Variants in PPP1R16B observed in about 807,000 individuals in gnomAD.
The protein encoded by PPP1R16B is protein phosphatase 1 regulatory inhibitor subunit 16B.
In PPP1R16B, 14 loss-of-function variants were observed where a neutral mutation model predicts 61.7. That is an observed-to-expected ratio of 0.23 (90% CI 0.15 to 0.35). The LOEUF (loss-of-function observed/expected upper bound fraction) is 0.35, where lower values mean the gene tolerates loss of function less well. Ranked by LOEUF, PPP1R16B falls within the 10% of genes least tolerant of loss-of-function variation. The probability of loss-of-function intolerance (pLI) is 1.00; values close to 1 mark genes in which losing one functional copy is unlikely to be tolerated. For synonymous variants in PPP1R16B, 266 were observed against 305.3 expected (o/e 0.87, Z 1.34); for missense variants, 547 against 752.5 (o/e 0.73, Z 3.19).
intron 2 of PPP1R16B, among the ~76,000 whole-genome samples, chr20:38,861,191 A>G (rs936666322): frequency 6.6e-6 from 1 of 152,028 alleles, no homozygotes; most frequent in Non-Finnish European, 1.5e-5. Flanking sequence ...AAGTCACTCA[A>G]CCTCTCTGAG....
At chr20:38,903,048 G>C (rs1179031208) in intron 6 of PPP1R16B, among the ~76,000 whole-genome samples, 1 of 152,212 alleles carries the variant, frequency 6.6e-6, no homozygotes, top group Admixed American at 6.5e-5. Flanking sequence ...GCTGAGGTGG[G>C]AGGATCACTT....
At chr20:38,869,776 T>C (rs904730940) in intron 2 of PPP1R16B, among the ~76,000 whole-genome samples, 1 of 152,006 alleles carries the variant, frequency 6.6e-6, no homozygotes, top group Non-Finnish European at 1.5e-5. Context: ...CTATGGAATA[T>C]ATTAAAGGGG....
chr20:38,807,598 C>G (rs571692039), intron 1 of PPP1R16B, among the ~76,000 whole-genome samples: 1 of 152,278 alleles, frequency 6.6e-6, no homozygotes, highest in Admixed American at 6.5e-5. Flanking sequence ...TGCCTGCTCA[C>G]ACGGCCCTTC....
intron 1 of PPP1R16B, among the ~76,000 whole-genome samples, chr20:38,828,354 C>G (rs2084816660): frequency 6.6e-6 from 1 of 152,184 alleles, no homozygotes; most frequent in Non-Finnish European, 1.5e-5. Flanking sequence ...TAATATGCCT[C>G]AGCAAGAGGC....
chr20:38,880,755 C>T (rs551801549), intron 2 of PPP1R16B, among the ~76,000 whole-genome samples: 9 of 152,168 alleles, frequency 5.9e-5, no homozygotes, highest in Non-Finnish European at 8.8e-5. Context: ...AGAGATATCG[C>T]GACTAATGCT....
intron 10 of PPP1R16B, among the ~76,000 whole-genome samples, chr20:38,914,273 G>A (rs549290888): frequency 1.5e-4 from 23 of 152,142 alleles, no homozygotes; most frequent in Non-Finnish European, 2.2e-4. Flanking sequence ...GAGAATTTGG[G>A]GGACTGTGTT....
At chr20:38,891,509 T>C (rs1008637913) in intron 3 of PPP1R16B, among the ~76,000 whole-genome samples, 5 of 152,172 alleles carry the variant, frequency 3.3e-5, no homozygotes, top group African/African-American at 1.2e-4. Context: ...AGAAATATTA[T>C]CATCCCCAGG....
chr20:38,828,709 G>A (rs550249036), intron 1 of PPP1R16B, among the ~76,000 whole-genome samples: 51 of 152,322 alleles, frequency 3.3e-4, no homozygotes, highest in African/African-American at 1.2e-3. Flanking sequence ...CTCAGGACAC[G>A]TGCCTAGCCT....
intron 2 of PPP1R16B, among the ~76,000 whole-genome samples, chr20:38,885,057 A>AAAAAG (rs1555806870): frequency 2.1e-5 from 3 of 142,648 alleles, no homozygotes; most frequent in Non-Finnish European, 4.5e-5. Flanking sequence ...AAAAAAAAAA[A>AAAAAG]AAGAAGAAGA....
At chr20:38,815,897 AT>A (rs1332732313) in intron 1 of PPP1R16B, among the ~76,000 whole-genome samples, 1 of 152,230 alleles carries the variant, frequency 6.6e-6, no homozygotes, top group African/African-American at 2.4e-5. Flanking sequence ...AAATGAACAA[AT>A]AAAATGAGAG....
At chr20:38,865,504 A>G (rs1290163808) in intron 2 of PPP1R16B, among the ~76,000 whole-genome samples, 1 of 151,858 alleles carries the variant, frequency 6.6e-6, no homozygotes, top group East Asian at 2.0e-4. Flanking sequence ...GTTAGCCAGG[A>G]TGGTCTCGAT....
intron 1 of PPP1R16B, among the ~76,000 whole-genome samples, chr20:38,821,734 T>C (rs1180384499): frequency 6.6e-6 from 1 of 152,138 alleles, no homozygotes; most frequent in Non-Finnish European, 1.5e-5. Context: ...CTGCTGAGAT[T>C]TCCTATCTGT....
At chr20:38,911,260 G>A (rs1414104889) in intron 10 of PPP1R16B, among the ~76,000 whole-genome samples, 3 of 147,910 alleles carry the variant, frequency 2.0e-5, no homozygotes, top group African/African-American at 7.5e-5. Flanking sequence ...TCCATCTCCC[G>A]GGTTCATGCC....
intron 2 of PPP1R16B, among the ~76,000 whole-genome samples, chr20:38,877,029 A>G (rs1346049009): frequency 6.6e-6 from 1 of 152,072 alleles, no homozygotes; most frequent in Non-Finnish European, 1.5e-5. Context: ...TTTCCATTCT[A>G]TGTTATATAT....
At chr20:38,854,432 G>A (rs897068636) in intron 2 of PPP1R16B, among the ~76,000 whole-genome samples, 1 of 152,194 alleles carries the variant, frequency 6.6e-6, no homozygotes, top group Non-Finnish European at 1.5e-5. Flanking sequence ...AGAAACAGGA[G>A]TAGAAAAATA....
At chr20:38,863,079 C>T (rs1038459956) in intron 2 of PPP1R16B, among the ~76,000 whole-genome samples, 9 of 152,172 alleles carry the variant, frequency 5.9e-5, no homozygotes, top group African/African-American at 2.2e-4. Flanking sequence ...CATTTGTGGG[C>T]TCTCCCAGCC....
intron 3 of PPP1R16B, among the ~76,000 whole-genome samples, chr20:38,892,633 T>C (rs2085300637): frequency 6.6e-6 from 1 of 151,958 alleles, no homozygotes; most frequent in Non-Finnish European, 1.5e-5. Flanking sequence ...CACAGGCACA[T>C]AAATAATAAT....
chr20:38,906,562 T>C (rs551671307), intron 7 of PPP1R16B, among the ~76,000 whole-genome samples: 13 of 152,216 alleles, frequency 8.5e-5, no homozygotes, highest in Non-Finnish European at 1.9e-4. Flanking sequence ...CCCAAAGTGC[T>C]GGGATGCCAC....
intron 3 of PPP1R16B, among the ~76,000 whole-genome samples, chr20:38,890,286 G>A (rs1225037449): frequency 2.6e-5 from 4 of 152,204 alleles, no homozygotes; most frequent in Non-Finnish European, 5.9e-5. Flanking sequence ...ATCTCTTCCT[G>A]TTACTCAAAG....
Sources: gnomAD v4.1 joint callset for allele counts (sites outside exome capture counted in the v4.1 genomes callset) on GRCh38, gnomAD v4.1.1 for gene constraint, MANE v1.5 for transcripts, NCBI Gene and HGNC (gene_info 2026-07-23, HGNC 2026-07-21) for gene names.